The following PPP6R3 variants were observed in gnomAD, a reference collection of about 807,000 sequenced individuals.
The protein encoded by PPP6R3 is serine/threonine-protein phosphatase 6 regulatory subunit 3.
Under a neutral mutation model 110.7 loss-of-function variants are expected in PPP6R3, and 38 were observed. The ratio of observed to expected loss-of-function variants is 0.34; its 90% CI spans 0.26 to 0.45. The LOEUF (loss-of-function observed/expected upper bound fraction) is 0.45, where lower values mean the gene tolerates loss of function less well. Ranked by LOEUF, PPP6R3 falls within the 20% of genes least tolerant of loss-of-function variation. PPP6R3 has a pLI of 1.00. For synonymous variants in PPP6R3, 369 were observed against 373.5 expected, an observed-to-expected ratio of 0.99 and a Z score of 0.14; for missense variants, 870 against 1,062.4, an observed-to-expected ratio of 0.82 and a Z score of 2.52.
intron 16 of PPP6R3, among the ~76,000 whole-genome samples, chr11:68,588,590 T>C (rs1445315515): frequency 1.3e-5 from 2 of 151,860 alleles, no homozygotes; most frequent in Non-Finnish European, 2.9e-5. Flanking sequence ...CCTTAGTAGC[T>C]GGGACTACAG....
intron 2 of PPP6R3, among the ~76,000 whole-genome samples, chr11:68,520,896 T>C (rs898141326): frequency 6.6e-6 from 1 of 152,106 alleles, no homozygotes. Flanking sequence ...CTTGGCCTCC[T>C]GAGTAGCTGG....
intron 20 of PPP6R3, 58 bp downstream of exon 20, chr11:68,600,552 T>C: frequency 1.9e-6 from 3 of 1,557,994 alleles, no homozygotes; most frequent in Non-Finnish European, 2.6e-6. Flanking sequence ...AATGGTCAGG[T>C]GTTTGCTGTT....
chr11:68,478,220 T>C (rs548309352), intron 1 of PPP6R3, among the ~76,000 whole-genome samples: 1 of 152,176 alleles, frequency 6.6e-6, no homozygotes, highest in African/African-American at 2.4e-5. Flanking sequence ...AGTTCTGGGA[T>C]TACAGGCGTG....
At chr11:68,595,780 CCTT>C (rs2099612170) in intron 18 of PPP6R3, among the ~76,000 whole-genome samples, 1 of 152,196 alleles carries the variant, frequency 6.6e-6, no homozygotes, top group Non-Finnish European at 1.5e-5. Flanking sequence ...TGCTCAACCT[CCTT>C]GGTCATTAGG....
chr11:68,590,561 A>G, intron 16 of PPP6R3, 99 bp from the exon 17 acceptor site: 3 of 1,248,812 alleles, frequency 2.4e-6, no homozygotes, highest in South Asian at 1.9e-5. Flanking sequence ...GATTTTGATG[A>G]TAGTGTAAAT....
intron 1 of PPP6R3, among the ~76,000 whole-genome samples, chr11:68,496,780 G>A (rs2099018819): frequency 1.3e-5 from 2 of 150,546 alleles, no homozygotes; most frequent in Non-Finnish European, 2.9e-5. Context: ...GGCCTCGCTT[G>A]CCCATTTTAA....
At chr11:68,565,145 C>T (rs527399535) in intron 9 of PPP6R3, among the ~76,000 whole-genome samples, 4 of 146,606 alleles carry the variant, frequency 2.7e-5, no homozygotes, top group Admixed American at 6.7e-5. Context: ...TGGTTATCTA[C>T]TGTGCGAGTT....
At chr11:68,564,872 TG>T (rs1242752159) in intron 9 of PPP6R3, among the ~76,000 whole-genome samples, 2 of 152,160 alleles carry the variant, frequency 1.3e-5, no homozygotes, top group Admixed American at 6.5e-5. Flanking sequence ...GAATATGATT[TG>T]GGGGTTTTTC....
At chr11:68,576,122 C>T in intron 14 of PPP6R3, 79 bp downstream of exon 14, 1 of 1,078,152 alleles carries the variant, frequency 9.3e-7, no homozygotes, top group Non-Finnish European at 1.4e-6. Context: ...TGTAAAAGAT[C>T]TTCCATTTAC....
intron 10 of PPP6R3, among the ~76,000 whole-genome samples, chr11:68,567,606 C>T (rs1284508441): frequency 2.0e-5 from 3 of 152,088 alleles, no homozygotes; most frequent in Non-Finnish European, 2.9e-5. Context: ...CAGTTATTAG[C>T]CTGCTTACTG....
intron 18 of PPP6R3, among the ~76,000 whole-genome samples, chr11:68,594,316 G>C (rs1394579000): frequency 6.8e-6 from 1 of 147,544 alleles, no homozygotes; most frequent in Admixed American, 6.7e-5. Context: ...GAGAGAGAGA[G>C]AGAAAAAGAG....
intron 3 of PPP6R3, among the ~76,000 whole-genome samples, chr11:68,541,806 A>G (rs2099317067): frequency 6.6e-6 from 1 of 152,094 alleles, no homozygotes; most frequent in African/African-American, 2.4e-5. Flanking sequence ...CTGGAAACCA[A>G]GGGAAGTCTG....
intron 2 of PPP6R3, among the ~76,000 whole-genome samples, chr11:68,521,084 A>G (rs891595292): frequency 6.6e-6 from 1 of 151,876 alleles, no homozygotes; most frequent in Non-Finnish European, 1.5e-5. Flanking sequence ...ACAGAGTTTT[A>G]TTATTGTTCT....
At position 68,600,248 on chromosome 11, in the gene PPP6R3, C is replaced by T. The variant is rs1025994254; in HGVS notation, c.2039-93C>T. 5.2e-5 allele frequency: 73 copies of T among 1,401,662 alleles called. No individual in the cohort carries two copies. In the African/African-American group the frequency reaches 9.7e-4, roughly 19 times the overall value. 86.8% of individuals were successfully genotyped at this position (1,401,662 alleles called of 1,614,324 possible). Reference sequence around the variant, plus strand: ...TGAGAGTGTCTTTCTCCCACAGCTCCAGTCTCTTTTGCTAATGTGTTTTTG... The same window carrying T: ...TGAGAGTGTCTTTCTCCCACAGCTCTAGTCTCTTTTGCTAATGTGTTTTTG... On this transcript the variant is annotated intron_variant, in intron 19 of 23. Transcript: ENST00000393800.
rs1566179792 is a variant in PPP6R3, at chr11:68,606,326, C to T, written c.2450+2834C>T. The stretch of plus-strand genomic sequence containing the variant: ...CCTTCCTCCTTCTTTCTTCTTCTTT[C>T]TTCTTTCTTCTTCAAGATGAGTGCA... On this transcript the variant is annotated intron_variant, in intron 22 of 23. Coordinates refer to ENST00000393800, the MANE Select transcript of PPP6R3 (RefSeq NM_001164161.2). 2.0e-5 allele frequency among the ~76,000 whole-genome samples: 3 copies of T among 151,830 alleles called. No homozygotes were observed. In the South Asian group the frequency reaches 6.2e-4, roughly 32 times the overall value.
rs112627290 is a variant in PPP6R3 at position 68,505,436 on chromosome 11, G to C, written c.-157-14065G>C. On this transcript the variant is annotated intron_variant, in intron 1 of 23. Coordinates refer to ENST00000393800, the MANE Select transcript of PPP6R3 (RefSeq NM_001164161.2). ...AGAATTTATTCATCTAAGATTACAG[G>C]CCATAAACATTTATTCTGTGCCTAG... is the stretch of plus-strand genomic sequence containing the variant. Among the ~76,000 whole-genome samples, 635 of 152,180 alleles carry C rather than the reference G, an allele frequency of 4.2e-3. 2 individuals are homozygous for C. Among genetic ancestry groups the C allele is most frequent in the African/African-American group, 0.015 (608 of 41,522 alleles).
chr11:68,566,003 C>T (rs140432922), intron 9 of PPP6R3, among the ~76,000 whole-genome samples: 46 of 152,234 alleles, frequency 3.0e-4, no homozygotes, highest in African/African-American at 1.0e-3. Flanking sequence ...TAGGCTGTTA[C>T]GTGCCACCCT....
intron 1 of PPP6R3, among the ~76,000 whole-genome samples, chr11:68,471,493 A>G (rs1337373071): frequency 6.6e-6 from 1 of 151,996 alleles, no homozygotes; most frequent in East Asian, 1.9e-4. Flanking sequence ...CACCTGAGAT[A>G]AGGACCAAGA....
chr11:68,491,328 C>CTG (rs60972668), intron 1 of PPP6R3, among the ~76,000 whole-genome samples: 11,518 of 123,376 alleles, frequency 0.093, 422 homozygotes, highest in Middle Eastern at 0.12. Flanking sequence ...GTGTCTTCAG[C>CTG]TGTGTGTGTG....
Sources: gnomAD v4.1 joint callset for allele counts (sites outside exome capture counted in the v4.1 genomes callset) on GRCh38, gnomAD v4.1.1 for gene constraint, MANE v1.5 for transcripts, NCBI Gene and HGNC (gene_info 2026-07-23, HGNC 2026-07-21) for gene names.